Variants in RND1 observed in about 807,000 individuals in gnomAD.
RND1 encodes rho-related GTP-binding protein Rho6.
RND1 carries 9 observed loss-of-function variants against 27.1 expected under a neutral mutation model. The ratio of observed to expected loss-of-function variants is 0.33; its 90% CI spans 0.20 to 0.58. The LOEUF is 0.58. Ranked by LOEUF, RND1 falls within the 20% of genes least tolerant of loss-of-function variation. The pLI, the probability that RND1 is intolerant of heterozygous loss-of-function variation, is 0.86. For missense variants in RND1, 253 were observed against 292.2 expected (o/e 0.87, Z 0.98); for synonymous variants, 108 against 115.7 (o/e 0.93, Z 0.43).
intron 2 of RND1, 41 bp downstream of exon 2, chr12:48,864,742 C>A: frequency 7.3e-7 from 1 of 1,377,154 alleles, no homozygotes; most frequent in Non-Finnish European, 1.0e-6. Context: ...CACAGCAGAC[C>A]AGTAGGGGTG....
chr12:48,864,416 T>TGTGTGCGCGC (rs141121524), intron 2 of RND1, among the ~76,000 whole-genome samples: 4,235 of 135,366 alleles, frequency 0.031, 84 homozygotes, highest in Non-Finnish European at 0.048. Flanking sequence ...TGTGTGTGTG[T>TGTGTGCGCGC]GCGCGCGCGC....
intron 3 of RND1, among the ~76,000 whole-genome samples, 163 bp downstream of exon 3, chr12:48,861,846 G>A (rs148710967): frequency 2.6e-5 from 4 of 152,332 alleles, no homozygotes; most frequent in Admixed American, 1.3e-4. Context: ...GGAGACCCAA[G>A]TTCCAGTCCC....
chr12:48,859,092 G>A (rs1938883186), intron 4 of RND1: 1 of 150,920 alleles, frequency 6.6e-6, no homozygotes, highest in Non-Finnish European at 1.5e-5. Flanking sequence ...CCGAGTAGCT[G>A]GGACTACAGG....
chr12:48,865,464 G>A (rs1365005137), intron 1 of RND1, 184 bp downstream of exon 1: 1 of 673,332 alleles, frequency 1.5e-6, no homozygotes, highest in East Asian at 2.8e-5. Flanking sequence ...AGTGGAACAG[G>A]TCTCAGGGGA....
rs766220267 is a variant in RND1 at position 48,860,981 on chromosome 12, T to C, written c.453+16A>G. The C allele has an allele frequency of 2.7e-5, 43 of 1,612,626 alleles. No homozygotes were observed. The highest frequency in any genetic ancestry group is 3.6e-5 in the Non-Finnish European group (42 of 1,180,018). ...CCTCACTCCACCCCACGACATGCACTTGCATGCGCACACACCTGCTCATAG... is the reference window on the plus strand; with the variant it reads ...CCTCACTCCACCCCACGACATGCACCTGCATGCGCACACACCTGCTCATAG... On this transcript the variant is annotated intron_variant, in intron 4 of 4. Transcript: ENST00000309739.
chr12:48,863,062 G>T (rs1938937909), intron 2 of RND1, among the ~76,000 whole-genome samples: 1 of 152,256 alleles, frequency 6.6e-6, no homozygotes, highest in South Asian at 2.1e-4. Flanking sequence ...CCTTTCTGAG[G>T]TGGGGTCTTA....
At chr12:48,858,797 C>A (rs1343179971) in intron 4 of RND1, 1 of 150,504 alleles carries the variant, frequency 6.6e-6, no homozygotes, top group South Asian at 2.1e-4. Flanking sequence ...TCCCTTGAGC[C>A]CAGGAGTTCT....
In RND1 at chr12:48,857,706, C is replaced by G. The variant is rs1184360707; in HGVS notation, c.*290G>C. The G allele has an allele frequency of 1.1e-5, 3 of 277,652 alleles. No homozygotes were observed. In the South Asian group the frequency reaches 2.0e-4, roughly 19 times the overall value. 17.2% of individuals were successfully genotyped at this position (277,652 alleles called of 1,614,324 possible). A position where few individuals can be genotyped will look rare whatever the true frequency, so the allele number is the denominator to read the frequency against. Reference sequence around the variant, plus strand: ...CCCCCAAGCCCATGAGGCCAGCATGCCCCCCGTCCCCCACAGCTTTCCTTC... The same window carrying G: ...CCCCCAAGCCCATGAGGCCAGCATGGCCCCCGTCCCCCACAGCTTTCCTTC... On this transcript the variant is annotated 3_prime_UTR_variant, in exon 5 of 5. Coordinates refer to ENST00000309739, the MANE Select transcript of RND1 (RefSeq NM_014470.4).
At chr12:48,860,111 TCTCA>T (rs1938901393) in intron 4 of RND1, among the ~76,000 whole-genome samples, 1 of 138,550 alleles carries the variant, frequency 7.2e-6, no homozygotes, top group Non-Finnish European at 1.5e-5. Flanking sequence ...AGACAGAGTC[TCTCA>T]CTCTGTCGCC....
chr12:48,858,057 C>T lies in RND1; in HGVS notation c.638G>A (p.Arg213His), dbSNP rs772813001. Residue 213 changes from arginine to histidine, a missense_variant, in exon 5 of 5, where the codon CGC (arginine) becomes CAC (histidine). Coordinates refer to ENST00000309739, the MANE Select transcript of RND1 (RefSeq NM_014470.4). ...LSKRLLHLPS[R>H]SELISSTFKK... ...GAAGGTAGAAGAGATGAGTTCAGAG[C>T]GACTGGGGAGGTGGAGCAGTCGTTT... The T allele has an allele frequency of 5.0e-6, 8 of 1,613,876 alleles. No homozygotes were observed. The highest frequency in any genetic ancestry group is 2.7e-5 in the African/African-American group (2 of 74,900).
At chr12:48,865,354 T>A in intron 1 of RND1, 1 of 455,600 alleles carries the variant, frequency 2.2e-6, no homozygotes, top group Non-Finnish European at 4.1e-6. Flanking sequence ...ATGCCTCCAG[T>A]GCCCTCACCT....
intron 4 of RND1, among the ~76,000 whole-genome samples, chr12:48,859,724 A>G (rs1938893174): frequency 6.6e-6 from 1 of 152,126 alleles, no homozygotes; most frequent in Admixed American, 6.6e-5. Flanking sequence ...TTGTCTCTAC[A>G]AAAAATGTTA....
intron 4 of RND1, 124 bp downstream of exon 4, chr12:48,860,873 G>A (rs564329139): frequency 1.7e-4 from 241 of 1,396,968 alleles, no homozygotes; most frequent in Non-Finnish European, 6.3e-5. Flanking sequence ...TGACTCATTT[G>A]CTAATTATAA....
chr12:48,861,199 C>A, intron 3 of RND1, 68 bp from the exon 4 acceptor site: 3 of 1,509,720 alleles, frequency 2.0e-6, no homozygotes, highest in South Asian at 1.3e-5. Context: ...CAGACAGATA[C>A]CAGGAGAAGC....
chr12:48,858,393 T>TC (rs1477815760), intron 4 of RND1, 152 bp from the exon 5 acceptor site: 47 of 659,502 alleles, frequency 7.1e-5, no homozygotes, highest in African/African-American at 6.7e-4. Context: ...TCTTTTCTTT[T>TC]TTTTTTTTTT....
At chr12:48,860,157 A>C (rs924271971) in intron 4 of RND1, among the ~76,000 whole-genome samples, 2 of 149,176 alleles carry the variant, frequency 1.3e-5, no homozygotes, top group African/African-American at 5.0e-5. Flanking sequence ...AATCTCAGCT[A>C]ACTGCAACCT....
At position 48,857,820 on chromosome 12, in the gene RND1, T is replaced by C; in HGVS notation, c.*176A>G. 1.5e-6 allele frequency: 1 copy of C among 651,774 alleles called. No homozygotes were observed. The highest frequency in any genetic ancestry group is 2.4e-6 in the Non-Finnish European group (1 of 412,104). 40.4% of individuals were successfully genotyped at this position (651,774 alleles called of 1,614,324 possible). On this transcript the variant is annotated 3_prime_UTR_variant, in exon 5 of 5. Coordinates refer to ENST00000309739, the MANE Select transcript of RND1 (RefSeq NM_014470.4). ...ATGATGGTTCTCTCTCAGCGTCAGG[T>C]CCTCATGCCGGGCCTGGCTCCTTCC...
chr12:48,865,795 T>C lies in RND1; in HGVS notation c.-28A>G, dbSNP rs1938979939. ...TTGCAGTGTCCGCGGGACTTGAACT[T>C]CGATTCAGAAGGGAGGGTTGCGCCA... is the stretch of plus-strand genomic sequence containing the variant. On this transcript the variant is annotated 5_prime_UTR_variant, in exon 1 of 5. Transcript: ENST00000309739. 6.4e-7 allele frequency: 1 copy of C among 1,562,956 alleles called. No homozygotes were observed. Among genetic ancestry groups the C allele is most frequent in the Admixed American group, 1.8e-5 (1 of 56,990 alleles).
At chr12:48,860,948 C>T (rs1462268240) in intron 4 of RND1, 49 bp downstream of exon 4, 1 of 1,611,216 alleles carries the variant, frequency 6.2e-7, no homozygotes, top group Non-Finnish European at 8.5e-7. Flanking sequence ...CTGTCTGCCT[C>T]TAGCCTTCCT....
Sources: allele counts gnomAD v4.1 joint callset (sites outside exome capture counted in the v4.1 genomes callset), GRCh38; gene constraint gnomAD v4.1.1; transcripts MANE v1.5; gene names NCBI Gene and HGNC (gene_info 2026-07-23, HGNC 2026-07-21).